UBL7: variants seen among roughly 807,000 people sequenced by gnomAD.
UBL7 encodes ubiquitin like 7, also known as ubiquitin-like protein 7.
Under a neutral mutation model 41.7 loss-of-function variants are expected in UBL7, and 21 were observed. The observed-to-expected ratio is 0.50, with a 90% CI of 0.36 to 0.73. UBL7 has a LOEUF of 0.73. Among genes scored for constraint, UBL7 ranks in the 30% least tolerant of loss-of-function variants. The pLI is 0.00. For missense variants in UBL7, 403 were observed against 478.4 expected (o/e 0.84, Z 1.47); for synonymous variants, 157 against 186.9 (o/e 0.84, Z 1.31).
intron 2 of UBL7, 140 bp from the exon 3 acceptor site, chr15:74,456,811 T>A: frequency 9.3e-7 from 1 of 1,074,868 alleles, no homozygotes; most frequent in Non-Finnish European, 1.3e-6. Flanking sequence ...ACTTAACAAA[T>A]ACTTTTTTTT....
intron 9 of UBL7, 68 bp downstream of exon 9, chr15:74,449,118 C>G: frequency 6.7e-7 from 1 of 1,491,984 alleles, no homozygotes. Context: ...AAAGGCAAAT[C>G]TACTCTACTG....
rs1333153790 is a variant in UBL7 at position 74,449,430 on chromosome 15, T to C, written c.715-77A>G. The C allele has an allele frequency of 7.6e-6, 12 of 1,570,240 alleles. No homozygotes were observed. In the East Asian group the frequency reaches 2.0e-4, roughly 27 times the overall value. ...GATGAACTCCACCCACCTCCAGCAA[T>C]AGTTCTTGGGGAAACTCTTAAGTTC... is the stretch of plus-strand genomic sequence containing the variant. On this transcript the variant is annotated intron_variant, in intron 8 of 10. Coordinates refer to ENST00000395081, the MANE Select transcript of UBL7 (RefSeq NM_032907.5).
intron 2 of UBL7, among the ~76,000 whole-genome samples, chr15:74,458,144 A>G (rs2061311523): frequency 6.6e-6 from 1 of 152,094 alleles, no homozygotes; most frequent in African/African-American, 2.4e-5. Context: ...AGAATTCACA[A>G]TGTTGGCCAG....
intron 3 of UBL7, among the ~76,000 whole-genome samples, chr15:74,453,414 AC>A (rs1443497666): frequency 6.6e-6 from 1 of 152,192 alleles, no homozygotes; most frequent in African/African-American, 2.4e-5. Flanking sequence ...CAGCTAGGGT[AC>A]CAGGAACACA....
chr15:74,452,166 T>A, intron 4 of UBL7, 130 bp downstream of exon 4: 1 of 907,658 alleles, frequency 1.1e-6, no homozygotes, highest in Non-Finnish European at 1.7e-6. Flanking sequence ...CCCACAGACA[T>A]GGCAAAAACT....
intron 3 of UBL7, among the ~76,000 whole-genome samples, chr15:74,454,677 C>T (rs1003888564): frequency 3.3e-5 from 5 of 152,264 alleles, no homozygotes; most frequent in Middle Eastern, 3.4e-3. Flanking sequence ...GGATTACAGG[C>T]GTAAGCTGCT....
chr15:74,451,334 C>G, intron 5 of UBL7, 102 bp downstream of exon 5: 1 of 1,061,734 alleles, frequency 9.4e-7, no homozygotes, highest in Admixed American at 1.9e-5. Flanking sequence ...CAAGACCAGT[C>G]ATTCTTCAAA....
chr15:74,447,755 C>T (rs954244002), intron 10 of UBL7, among the ~76,000 whole-genome samples: 3 of 152,086 alleles, frequency 2.0e-5, no homozygotes, highest in Admixed American at 2.0e-4. Context: ...CTGGTGACTG[C>T]TACATCAAGT....
intron 10 of UBL7, among the ~76,000 whole-genome samples, chr15:74,447,515 C>T (rs1429722410): frequency 6.6e-6 from 1 of 151,836 alleles, no homozygotes; most frequent in East Asian, 1.9e-4. Flanking sequence ...CCAGGCTGGG[C>T]AACATAGGGA....
In UBL7 at chr15:74,449,469, G is replaced by A. The variant is rs76063377; in HGVS notation, c.715-116C>T. 1,085 of 1,537,324 alleles carry A rather than the reference G, an allele frequency of 7.1e-4. 6 individuals carry two copies. In the African/African-American group the frequency reaches 0.013, roughly 19 times the overall value. On this transcript the variant is annotated intron_variant, in intron 8 of 10. Transcript: ENST00000395081. Reference sequence around the variant, plus strand: ...ACTCTTAAGTTCCCAGGTTCAGAAAGGAATCCAAAAGCAGAAATAGTATGA... The same window carrying A: ...ACTCTTAAGTTCCCAGGTTCAGAAAAGAATCCAAAAGCAGAAATAGTATGA...
chr15:74,447,214 T>A (rs2061192148), intron 10 of UBL7, among the ~76,000 whole-genome samples: 1 of 152,206 alleles, frequency 6.6e-6, no homozygotes, highest in South Asian at 2.1e-4. Flanking sequence ...CCACACAGGC[T>A]TGAACCCTAT....
At chr15:74,450,540 G>A (rs1234356576) in intron 6 of UBL7, among the ~76,000 whole-genome samples, 7 of 152,316 alleles carry the variant, frequency 4.6e-5, no homozygotes, top group South Asian at 2.1e-4. Flanking sequence ...TCCTTGAAAA[G>A]CTCCCTAATT....
rs772283515 is a variant in UBL7 at position 74,456,544 on chromosome 15, T to C, written c.304+8A>G. ...ACTCTGCCTGCCTAAGGGCTGCCCCTCACTCACCCGGTTTCTGATCAGGTT... is the reference window on the plus strand; with the variant it reads ...ACTCTGCCTGCCTAAGGGCTGCCCCCCACTCACCCGGTTTCTGATCAGGTT... On this transcript the variant is annotated splice_region_variant and intron_variant, in intron 3 of 10. Coordinates refer to ENST00000395081, the MANE Select transcript of UBL7 (RefSeq NM_032907.5). 20 of 1,613,726 alleles carry C rather than the reference T, an allele frequency of 1.2e-5. No homozygotes were observed. Among genetic ancestry groups the C allele is most frequent in the Non-Finnish European group, 1.6e-5 (19 of 1,179,742 alleles).
At chr15:74,453,919 C>G (rs544638502) in intron 3 of UBL7, among the ~76,000 whole-genome samples, 3 of 152,294 alleles carry the variant, frequency 2.0e-5, no homozygotes, top group African/African-American at 7.2e-5. Flanking sequence ...AAAAATAATC[C>G]TCCAGGTAGA....
chr15:74,453,682 A>T (rs1006992990), intron 3 of UBL7, among the ~76,000 whole-genome samples: 1 of 152,226 alleles, frequency 6.6e-6, no homozygotes, highest in Non-Finnish European at 1.5e-5. Context: ...TGACGTCCTG[A>T]AGGGATTTGT....
At chr15:74,459,105 T>A (rs1351939768) in intron 1 of UBL7, 27 of 519,268 alleles carry the variant, frequency 5.2e-5, no homozygotes, top group Non-Finnish European at 7.6e-5. Context: ...TCTTCATCCC[T>A]AACGTGGACA....
At chr15:74,449,433 T>A (rs2061219609) in intron 8 of UBL7, 80 bp from the exon 9 acceptor site, 2 of 1,567,970 alleles carry the variant, frequency 1.3e-6, no homozygotes, top group Non-Finnish European at 1.7e-6. Context: ...CCAGCAATAG[T>A]TCTTGGGGAA....
Position 74,446,259 on chromosome 15 carries a change from T to C in UBL7, c.1006-32A>G, listed in dbSNP as rs2061183079. 1 of 1,612,734 alleles carries C rather than the reference T, an allele frequency of 6.2e-7. No individual in the cohort carries two copies. Among genetic ancestry groups the C allele is most frequent in the East Asian group, 2.2e-5 (1 of 44,868 alleles). ...AAAGATAGGAATGGGCAGAAGCTGTTAGCTGGGATCCAGTGAAGACTCACT... is the reference window on the plus strand; with the variant it reads ...AAAGATAGGAATGGGCAGAAGCTGTCAGCTGGGATCCAGTGAAGACTCACT... On this transcript the variant is annotated intron_variant, in intron 10 of 10. Transcript: ENST00000395081. This position sits in a 1 kb window ranked among gnomAD's most constrained non-coding sequence, Gnocchi z 4.1.
In UBL7 at chr15:74,446,251, G is replaced by A. The variant is rs562715599; in HGVS notation, c.1006-24C>T. 1.2e-6 allele frequency: 2 copies of A among 1,613,246 alleles called. No homozygotes were observed. Among genetic ancestry groups the A allele is most frequent in the African/African-American group, 2.7e-5 (2 of 75,050 alleles). On this transcript the variant is annotated intron_variant, in intron 10 of 10. Transcript: ENST00000395081. The surrounding 1 kb of genome is among the most constrained non-coding windows in gnomAD (Gnocchi z 4.1). Reference sequence around the variant, plus strand: ...CTCTGTGGAAAGATAGGAATGGGCAGAAGCTGTTAGCTGGGATCCAGTGAA... The same window carrying A: ...CTCTGTGGAAAGATAGGAATGGGCAAAAGCTGTTAGCTGGGATCCAGTGAA...
Sources: gnomAD v4.1 joint callset for allele counts (sites outside exome capture counted in the v4.1 genomes callset) on GRCh38, gnomAD v4.1.1 for gene constraint, Gnocchi (gnomAD v3.1) non-coding constraint, MANE v1.5 for transcripts, NCBI Gene and HGNC (gene_info 2026-07-23, HGNC 2026-07-21) for gene names.